Variants in DTNA observed in about 807,000 individuals in gnomAD.
DTNA encodes the protein dystrophin-related protein 3.
In DTNA, 43 loss-of-function variants were observed where a neutral mutation model predicts 100.7. That is an observed-to-expected ratio of 0.43 (90% CI 0.33 to 0.55). The LOEUF is 0.55. DTNA is among the 20% of genes least tolerant of loss of function. The pLI, the probability that DTNA is intolerant of heterozygous loss-of-function variation, is 0.04. For synonymous variants in DTNA, 349 were observed against 347.9 expected, an observed-to-expected ratio of 1.00 and a Z score of -0.04; for missense variants, 798 against 953.9, an observed-to-expected ratio of 0.84 and a Z score of 2.15.
In DTNA at chr18:34,524,581, G is replaced by A. The variant is rs115099120; in HGVS notation, c.-2+31067G>A. 2.0e-3 allele frequency among the ~76,000 whole-genome samples: 306 copies of A among 152,222 alleles called. 1 individual carries two copies. Among genetic ancestry groups the A allele is most frequent in the African/African-American group, 7.1e-3 (294 of 41,554 alleles). On this transcript the variant is annotated intron_variant, in intron 1 of 19. Transcript: ENST00000283365. Reference sequence around the variant, plus strand: ...AGCCTGTTTGAAGAGATAAGAGTGAGTTAAATTACAAACTGTTTTCCAAGT... The same window carrying A: ...AGCCTGTTTGAAGAGATAAGAGTGAATTAAATTACAAACTGTTTTCCAAGT...
At chr18:34,643,894 A>G (rs574192382) in intron 1 of DTNA, among the ~76,000 whole-genome samples, 4 of 152,294 alleles carry the variant, frequency 2.6e-5, no homozygotes, top group South Asian at 4.1e-4. Context: ...CTATAAAATT[A>G]TAAGCTCCTG....
chr18:34,617,059 T>C (rs536513951), intron 1 of DTNA, among the ~76,000 whole-genome samples: 1 of 152,310 alleles, frequency 6.6e-6, no homozygotes, highest in South Asian at 2.1e-4. Flanking sequence ...TAGGATCATA[T>C]CTGCAAGCAG....
intron 1 of DTNA, among the ~76,000 whole-genome samples, chr18:34,521,789 AGAGCAC>A (rs2042174807): frequency 6.6e-6 from 1 of 152,170 alleles, no homozygotes; most frequent in African/African-American, 2.4e-5. Flanking sequence ...TCTGCCTAGT[AGAGCAC>A]CCTGTCCCTC....
At chr18:34,542,235 T>G (rs1362249851) in intron 1 of DTNA, among the ~76,000 whole-genome samples, 2 of 152,144 alleles carry the variant, frequency 1.3e-5, no homozygotes, top group African/African-American at 4.8e-5. Context: ...GTGAATAGTC[T>G]AAATCTAAAA....
intron 1 of DTNA, among the ~76,000 whole-genome samples, chr18:34,695,804 A>G (rs1033551871): frequency 6.6e-6 from 1 of 152,228 alleles, no homozygotes; most frequent in African/African-American, 2.4e-5. Context: ...AAGTGTTTGC[A>G]AGGACTCAAC....
At chr18:34,720,075 G>A (rs549695313) in intron 1 of DTNA, among the ~76,000 whole-genome samples, 2 of 152,256 alleles carry the variant, frequency 1.3e-5, no homozygotes, top group South Asian at 2.1e-4. Context: ...GAGCTAGTGC[G>A]AGGTTGGCAG....
chr18:34,675,530 G>A (rs947153856), intron 1 of DTNA, among the ~76,000 whole-genome samples: 1 of 152,096 alleles, frequency 6.6e-6, no homozygotes, highest in Admixed American at 6.6e-5. Context: ...ACAAGGGTAA[G>A]AGAAAGGAAA....
At chr18:34,547,348 T>A (rs2044898069) in intron 1 of DTNA, among the ~76,000 whole-genome samples, 1 of 152,120 alleles carries the variant, frequency 6.6e-6, no homozygotes, top group African/African-American at 2.4e-5. Context: ...CGTGCCTTCA[T>A]TTCCCCCAAC....
intron 1 of DTNA, among the ~76,000 whole-genome samples, chr18:34,648,156 C>A (rs2060060833): frequency 6.6e-6 from 1 of 152,016 alleles, no homozygotes; most frequent in African/African-American, 2.4e-5. Flanking sequence ...TGGAAAACGG[C>A]CAGAGTTATA....
chr18:34,855,418 AT>A (rs1422365056), intron 15 of DTNA, among the ~76,000 whole-genome samples: 1 of 152,240 alleles, frequency 6.6e-6, no homozygotes, highest in Non-Finnish European at 1.5e-5. Context: ...AGAAATAAAA[AT>A]AAAGGAACCC....
chr18:34,867,780 A>T (rs1318558032), intron 17 of DTNA: 5 of 985,326 alleles, frequency 5.1e-6, no homozygotes, highest in Non-Finnish European at 6.0e-6. Context: ...AAACTGTGGC[A>T]GTGCCCCCAA....
At chr18:34,796,316 T>C (rs1260149480) in intron 4 of DTNA, among the ~76,000 whole-genome samples, 1 of 152,230 alleles carries the variant, frequency 6.6e-6, no homozygotes, top group Non-Finnish European at 1.5e-5. Flanking sequence ...GGATATGTAA[T>C]TTAGAAGTGA....
chr18:34,662,314 T>C (rs1304367123), intron 1 of DTNA, among the ~76,000 whole-genome samples: 2 of 152,114 alleles, frequency 1.3e-5, no homozygotes, highest in Non-Finnish European at 2.9e-5. Flanking sequence ...ACTTACCTAT[T>C]TCCATCATTT....
intron 1 of DTNA, among the ~76,000 whole-genome samples, chr18:34,669,889 C>T (rs2076501421): frequency 6.6e-6 from 1 of 152,170 alleles, no homozygotes; most frequent in Non-Finnish European, 1.5e-5. Context: ...TTTGGTGAAT[C>T]TGACAATTAT....
At chr18:34,517,644 C>T (rs1002443083) in intron 1 of DTNA, among the ~76,000 whole-genome samples, 10 of 152,026 alleles carry the variant, frequency 6.6e-5, no homozygotes, top group African/African-American at 1.4e-4. Flanking sequence ...AACCTGTAAT[C>T]TCTTCATCTC....
intron 1 of DTNA, among the ~76,000 whole-genome samples, chr18:34,711,386 A>C (rs1054594410): frequency 6.6e-6 from 1 of 152,026 alleles, no homozygotes; most frequent in Non-Finnish European, 1.5e-5. Context: ...ATTAGGATTT[A>C]CTCTAATTTT....
chr18:34,752,850 A>G (rs1270988330), intron 1 of DTNA, among the ~76,000 whole-genome samples: 1 of 152,232 alleles, frequency 6.6e-6, no homozygotes, highest in Non-Finnish European at 1.5e-5. Context: ...TGTACTTTGC[A>G]TATTTTTCAA....
At chr18:34,665,192 C>T (rs957081347) in intron 1 of DTNA, among the ~76,000 whole-genome samples, 1 of 152,008 alleles carries the variant, frequency 6.6e-6, no homozygotes. Context: ...GTAAAAGTAT[C>T]TCTTTGTCTA....
intron 1 of DTNA, among the ~76,000 whole-genome samples, chr18:34,644,799 T>A (rs2059659020): frequency 6.6e-6 from 1 of 152,134 alleles, no homozygotes; most frequent in Non-Finnish European, 1.5e-5. Flanking sequence ...CCTGCCAGAA[T>A]GTTGAGACCT....
Sources: gnomAD v4.1 joint callset for allele counts (sites outside exome capture counted in the v4.1 genomes callset) on GRCh38, gnomAD v4.1.1 for gene constraint, MANE v1.5 for transcripts, NCBI Gene and HGNC (gene_info 2026-07-23, HGNC 2026-07-21) for gene names.